The following IL17B variants were observed in gnomAD, a reference collection of about 807,000 sequenced individuals.
IL17B encodes the protein interleukin 17B.
A neutral mutation model predicts 14.7 loss-of-function variants in IL17B; 14 were observed. The ratio of observed to expected loss-of-function variants is 0.95; its 90% CI spans 0.63 to 1.49. The LOEUF (loss-of-function observed/expected upper bound fraction) is 1.49, where lower values mean the gene tolerates loss of function less well. IL17B is among the 40% of genes most tolerant of loss of function. IL17B has a pLI of 0.00. For missense variants in IL17B, 233 were observed against 252.8 expected, an observed-to-expected ratio of 0.92 and a Z score of 0.53; for synonymous variants, 105 against 94.8, an observed-to-expected ratio of 1.11 and a Z score of -0.62.
At chr5:149,397,928 C>A (rs1759123426) in intron 1 of IL17B, among the ~76,000 whole-genome samples, 1 of 152,158 alleles carries the variant, frequency 6.6e-6, no homozygotes, top group Non-Finnish European at 1.5e-5. Context: ...TTTGTTTTCT[C>A]CTGGCCCCCT....
chr5:149,393,546 G>A (rs1029315099), intron 1 of IL17B, among the ~76,000 whole-genome samples: 6 of 152,118 alleles, frequency 3.9e-5, no homozygotes, highest in East Asian at 1.9e-4. Context: ...TGCATCTTCC[G>A]AAACCCTCGT....
chr5:149,393,559 C>A (rs538507204), intron 1 of IL17B, among the ~76,000 whole-genome samples: 2 of 152,326 alleles, frequency 1.3e-5, no homozygotes, highest in Admixed American at 1.3e-4. Flanking sequence ...ACCCTCGTTT[C>A]ACTGAGCTCT....
chr5:149,382,852 C>A (rs905565173), upstream of IL17B, among the ~76,000 whole-genome samples: 2 of 152,208 alleles, frequency 1.3e-5, no homozygotes, highest in Non-Finnish European at 2.9e-5. Flanking sequence ...CCAGGGTGCT[C>A]GTGGGGCACC....
rs572474639 is a variant in IL17B, at chr5:149,374,880, C to T, written c.312-280G>A. The T allele has an allele frequency of 1.9e-5, 7 of 374,708 alleles. No homozygotes were observed. The highest frequency in any genetic ancestry group is 5.6e-5 in the South Asian group (1 of 17,948). The allele number at this position is 374,708 out of a possible 1,614,324, so 23.2% of individuals were successfully genotyped here. ...AGATGCCCATCCCAGTACTAGGTTG[C>T]GCTGTGGGGATTGTGGAGTAGCCCT... On this transcript the variant is annotated intron_variant, in intron 2 of 2. Coordinates refer to ENST00000261796, the MANE Select transcript of IL17B (RefSeq NM_014443.3). The surrounding 1 kb of genome is among the most constrained non-coding windows in gnomAD (Gnocchi z 5.0).
At chr5:149,402,037 G>A (rs1759213879) in intron 1 of IL17B, among the ~76,000 whole-genome samples, 4 of 152,208 alleles carry the variant, frequency 2.6e-5, no homozygotes, top group African/African-American at 9.6e-5. Context: ...ATGTGCTGGT[G>A]ATAGCAGGAA....
intron 1 of IL17B, 27 bp from the exon 2 acceptor site, chr5:149,377,052 G>C: frequency 1.3e-6 from 2 of 1,519,764 alleles, no homozygotes; most frequent in South Asian, 2.7e-5. Flanking sequence ...CAGGTCAAAG[G>C]TGGGAGAGCC....
intron 1 of IL17B, among the ~76,000 whole-genome samples, chr5:149,391,947 C>T (rs1758977620): frequency 6.6e-6 from 1 of 152,188 alleles, no homozygotes; most frequent in South Asian, 2.1e-4. Context: ...TCCTTTCTCC[C>T]CATGCCCTGC....
At chr5:149,399,376 A>G (rs1561719129) in intron 1 of IL17B, among the ~76,000 whole-genome samples, 1 of 152,238 alleles carries the variant, frequency 6.6e-6, no homozygotes, top group Non-Finnish European at 1.5e-5. Flanking sequence ...TCATTCAGGA[A>G]GAATGCTGGG....
chr5:149,387,463 T>G lies in IL17B; in HGVS notation n.96-10438A>C, dbSNP rs540166899. 3.5e-4 allele frequency among the ~76,000 whole-genome samples: 54 copies of G among 152,236 alleles called. No homozygotes were observed. The South Asian group carries it at 0.011, about 31-fold the overall frequency. ...GGTAAAAGGGTTACCCCTGAAGCAC[T>G]CTACAATTTGAAAAACACTTTTAGC... On this transcript the variant is annotated intron_variant and non_coding_transcript_variant, in intron 1 of 2. Transcript: ENST00000505432.
At chr5:149,380,282 T>TG (rs1758656718), upstream of IL17B, among the ~76,000 whole-genome samples, 1 of 152,212 alleles carries the variant, frequency 6.6e-6, no homozygotes, top group African/African-American at 2.4e-5. Flanking sequence ...AAATCACCTA[T>TG]GTTAAATAGC....
At chr5:149,396,770 A>G (rs928786009) in intron 1 of IL17B, among the ~76,000 whole-genome samples, 1 of 152,222 alleles carries the variant, frequency 6.6e-6, no homozygotes, top group Non-Finnish European at 1.5e-5. Context: ...CTCAAAAAAA[A>G]TAAAAATAAA....
Position 149,377,006 on chromosome 5 carries a change from GA to G in IL17B, c.40del (p.Ser14ProfsTer40), listed in dbSNP as rs1758561584. On this transcript the variant is annotated frameshift_variant, in exon 2 of 3. Transcript: ENST00000261796. LOFTEE classifies it high-confidence loss of function. ...PHNLLFLLTISIFLGLGQPRS... is the reference protein window; with the variant it reads ...PHNLLFLLTIXIFLGLGQPRS... ...GGGCTGGCCCAGCCCCAGGAAGATGGAAATGGTAAGAAGAAACAGCTGGGGA... is the reference window on the plus strand; with the variant it reads ...GGGCTGGCCCAGCCCCAGGAAGATGGAATGGTAAGAAGAAACAGCTGGGGA... The G allele has an allele frequency of 4.5e-6, 7 of 1,558,772 alleles. No individual in the cohort carries two copies. The East Asian group carries it at 1.6e-4, about 35-fold the overall frequency.
chr5:149,385,057 G>A (rs1339836068), intron 1 of IL17B, among the ~76,000 whole-genome samples: 1 of 151,808 alleles, frequency 6.6e-6, no homozygotes, highest in Non-Finnish European at 1.5e-5. Flanking sequence ...AGGATTACAG[G>A]CATGCGCCAC....
intron 1 of IL17B, among the ~76,000 whole-genome samples, chr5:149,390,630 C>G (rs4705072): frequency 0.035 from 4,601 of 131,958 alleles, 105 homozygotes; most frequent in African/African-American, 0.053. Flanking sequence ...CACACACACA[C>G]AGAGATACAC....
upstream of IL17B, among the ~76,000 whole-genome samples, chr5:149,383,819 C>T (rs1423035240): frequency 6.6e-6 from 1 of 152,234 alleles, no homozygotes; most frequent in Non-Finnish European, 1.5e-5. Flanking sequence ...GTCTCCTCCC[C>T]ACAGGGGGAA....
intron 1 of IL17B, among the ~76,000 whole-genome samples, chr5:149,390,373 T>C (rs1371007541): frequency 6.6e-6 from 1 of 151,944 alleles, no homozygotes; most frequent in African/African-American, 2.4e-5. Flanking sequence ...GCTCCCAGTC[T>C]CATGCAGCCA....
At chr5:149,382,304 T>G (rs1158401979), upstream of IL17B, among the ~76,000 whole-genome samples, 2 of 152,012 alleles carry the variant, frequency 1.3e-5, no homozygotes, top group Non-Finnish European at 2.9e-5. Context: ...CGATTCCAGG[T>G]GTCGGGGTCA....
At chr5:149,391,337 G>A (rs1561716254) in intron 1 of IL17B, among the ~76,000 whole-genome samples, 1 of 152,166 alleles carries the variant, frequency 6.6e-6, no homozygotes, top group Non-Finnish European at 1.5e-5. Context: ...GGACTGGGAA[G>A]AGCAGGGAGA....
At chr5:149,381,454 A>G (rs1435316147), upstream of IL17B, among the ~76,000 whole-genome samples, 1 of 152,212 alleles carries the variant, frequency 6.6e-6, no homozygotes, top group Non-Finnish European at 1.5e-5. Flanking sequence ...CAGCTCACAC[A>G]GTGCGTTTGT....
Sources: allele counts gnomAD v4.1 joint callset (sites outside exome capture counted in the v4.1 genomes callset), GRCh38; gene constraint gnomAD v4.1.1; non-coding constraint Gnocchi (gnomAD v3.1); transcripts MANE v1.5; gene names NCBI Gene and HGNC (gene_info 2026-07-23, HGNC 2026-07-21).